CAMTA1: variants seen among roughly 807,000 people sequenced by gnomAD.
CAMTA1 encodes calmodulin binding transcription activator 1.
A neutral mutation model predicts 170.9 loss-of-function variants in CAMTA1; 27 were observed. That is an observed-to-expected ratio of 0.16 (90% confidence interval 0.12 to 0.22). The LOEUF (loss-of-function observed/expected upper bound fraction) is 0.22, where lower values mean the gene tolerates loss of function less well. CAMTA1 is among the 10% of genes least tolerant of loss of function. The probability of loss-of-function intolerance (pLI) is 1.00; values close to 1 mark genes in which losing one functional copy is unlikely to be tolerated. For missense variants in CAMTA1, 1,619 were observed against 2,217.2 expected (o/e 0.73, Z 5.42); for synonymous variants, 833 against 891.5 (o/e 0.93, Z 1.17).
chr1:7,054,371 G>C (rs1706960254), intron 3 of CAMTA1, among the ~76,000 whole-genome samples: 1 of 152,260 alleles, frequency 6.6e-6, no homozygotes, highest in Non-Finnish European at 1.5e-5. Context: ...GAGAAGCACT[G>C]ATGGGTGAAT....
At chr1:6,838,396 G>A (rs184597201) in intron 3 of CAMTA1, among the ~76,000 whole-genome samples, 24 of 152,282 alleles carry the variant, frequency 1.6e-4, no homozygotes, top group African/African-American at 5.3e-4. Context: ...TGTCTAAGGG[G>A]CGAGTGAGGG....
intron 3 of CAMTA1, among the ~76,000 whole-genome samples, chr1:6,983,510 G>A (rs1384079854): frequency 6.6e-6 from 1 of 152,048 alleles, no homozygotes; most frequent in Non-Finnish European, 1.5e-5. Context: ...CTTTTCCTTT[G>A]TAATACTTAT....
chr1:7,276,303 A>ATTTTTTT (rs1180773965), intron 5 of CAMTA1, among the ~76,000 whole-genome samples: 12 of 24,230 alleles, frequency 5.0e-4, no homozygotes, highest in South Asian at 4.7e-3. Flanking sequence ...ATATATATAT[A>ATTTTTTT]TTTTTTTTTT....
chr1:7,650,719 G>A (rs1048119342), intron 7 of CAMTA1, among the ~76,000 whole-genome samples: 5 of 152,162 alleles, frequency 3.3e-5, no homozygotes, highest in African/African-American at 7.2e-5. Context: ...TGCGCTCCTC[G>A]AAATGAGATT....
chr1:7,516,206 CACTT>C (rs1202294113), intron 6 of CAMTA1, among the ~76,000 whole-genome samples: 1 of 152,238 alleles, frequency 6.6e-6, no homozygotes, highest in Non-Finnish European at 1.5e-5. Flanking sequence ...GAACTTAAAA[CACTT>C]GCTCAAATTA....
chr1:6,929,346 A>ATTTT (rs5772260), intron 3 of CAMTA1, among the ~76,000 whole-genome samples: 16 of 146,002 alleles, frequency 1.1e-4, no homozygotes, highest in African/African-American at 3.8e-4. Flanking sequence ...TGCCCAGCTA[A>ATTTT]TTTTTTTTTT....
chr1:7,047,541 T>G (rs1705586860), intron 3 of CAMTA1, among the ~76,000 whole-genome samples: 1 of 152,148 alleles, frequency 6.6e-6, no homozygotes, highest in Non-Finnish European at 1.5e-5. Flanking sequence ...GTCCCCACCC[T>G]TCTTCAGCTT....
intron 3 of CAMTA1, among the ~76,000 whole-genome samples, chr1:7,069,929 G>A (rs1638383857): frequency 6.6e-6 from 1 of 152,198 alleles, no homozygotes; most frequent in African/African-American, 2.4e-5. Context: ...TATAAAGCCC[G>A]GCACCAGCGT....
chr1:7,470,521 G>A (rs2093311068), intron 6 of CAMTA1, among the ~76,000 whole-genome samples: 1 of 152,194 alleles, frequency 6.6e-6, no homozygotes, highest in African/African-American at 2.4e-5. Context: ...CCCATGTTGG[G>A]AGCTGAGGAA....
At chr1:6,794,768 C>T (rs949284932) in intron 1 of CAMTA1, among the ~76,000 whole-genome samples, 2 of 151,834 alleles carry the variant, frequency 1.3e-5, no homozygotes, top group African/African-American at 4.8e-5. Flanking sequence ...TCAGTGCTGC[C>T]GAGAGATGAA....
At position 7,671,094 on chromosome 1, in the gene CAMTA1, G is replaced by A. The variant is rs1247534225; in HGVS notation, c.2779+57G>A. ...GAGTGTGATGGCCTGAGGAGCACTG[G>A]ACTCGGAGTTGGCCTTGGGGTGACC... On this transcript the variant is annotated intron_variant, in intron 10 of 22. Coordinates refer to ENST00000303635, the MANE Select transcript of CAMTA1 (RefSeq NM_015215.4). The A allele has an allele frequency of 4.4e-6, 7 of 1,594,702 alleles. No individual in the cohort carries two copies. The African/African-American group carries it at 9.4e-5, about 21-fold the overall frequency.
intron 11 of CAMTA1, among the ~76,000 whole-genome samples, chr1:7,703,491 C>G (rs2096465064): frequency 6.6e-6 from 1 of 152,146 alleles, no homozygotes; most frequent in Non-Finnish European, 1.5e-5. Context: ...CCAGCTTGGT[C>G]AGGGTGTCCT....
chr1:7,315,985 A>ATC (rs1677438916), intron 5 of CAMTA1, among the ~76,000 whole-genome samples: 1 of 152,186 alleles, frequency 6.6e-6, no homozygotes, highest in African/African-American at 2.4e-5. Flanking sequence ...AAACTTAACA[A>ATC]TCATGGCGGA....
chr1:7,761,793 A>G lies in CAMTA1; in HGVS notation c.4990-4666A>G, dbSNP rs1198969481. 3.9e-5 allele frequency among the ~76,000 whole-genome samples: 6 copies of G among 152,290 alleles called. No homozygotes were observed. The East Asian group carries it at 9.6e-4, about 24-fold the overall frequency. ...CAATGAATTTTTCAGTTGTTTTTATATAATATGAACACAGCATTTGTAAGA... is the reference window on the plus strand; with the variant it reads ...CAATGAATTTTTCAGTTGTTTTTATGTAATATGAACACAGCATTTGTAAGA... On this transcript the variant is annotated intron_variant, in intron 22 of 22. Coordinates refer to ENST00000303635, the MANE Select transcript of CAMTA1 (RefSeq NM_015215.4).
intron 5 of CAMTA1, among the ~76,000 whole-genome samples, chr1:7,349,587 G>A (rs1368475452): frequency 6.6e-6 from 1 of 152,196 alleles, no homozygotes; most frequent in Non-Finnish European, 1.5e-5. Context: ...AGATCGAGGT[G>A]CGGGCAGGGC....
At chr1:7,043,886 C>A (rs1323577593) in intron 3 of CAMTA1, among the ~76,000 whole-genome samples, 1 of 152,200 alleles carries the variant, frequency 6.6e-6, no homozygotes, top group African/African-American at 2.4e-5. Context: ...TGCCGGAACA[C>A]AGAGAAATTA....
chr1:6,939,199 T>C (rs1488291063), intron 3 of CAMTA1, among the ~76,000 whole-genome samples: 1 of 152,204 alleles, frequency 6.6e-6, no homozygotes, highest in Non-Finnish European at 1.5e-5. Flanking sequence ...GAGATGGACA[T>C]GTCATCACTA....
intron 7 of CAMTA1, among the ~76,000 whole-genome samples, chr1:7,643,086 G>A (rs2095777567): frequency 6.6e-6 from 1 of 151,870 alleles, no homozygotes; most frequent in Non-Finnish European, 1.5e-5. Context: ...GGGTGACCAG[G>A]GTCCAGGTGC....
intron 6 of CAMTA1, among the ~76,000 whole-genome samples, chr1:7,535,798 T>C (rs1439203097): frequency 6.6e-6 from 1 of 152,144 alleles, no homozygotes; most frequent in African/African-American, 2.4e-5. Flanking sequence ...CCAGTCCCTG[T>C]ACTTTGAGAC....
Sources: allele counts gnomAD v4.1 joint callset (sites outside exome capture counted in the v4.1 genomes callset), GRCh38; gene constraint gnomAD v4.1.1; transcripts MANE v1.5; gene names NCBI Gene and HGNC (gene_info 2026-07-23, HGNC 2026-07-21).